ME3: variants seen among roughly 807,000 people sequenced by gnomAD.
ME3 encodes malic enzyme 3.
Under a neutral mutation model 68.9 loss-of-function variants are expected in ME3, and 48 were observed. That is an observed-to-expected ratio of 0.70 (90% CI 0.55 to 0.89). The LOEUF (loss-of-function observed/expected upper bound fraction) is 0.89. ME3 is among the 40% of genes least tolerant of loss of function. The pLI is 0.00. For synonymous variants in ME3, 320 were observed against 318.8 expected (o/e 1.00, Z -0.04); for missense variants, 675 against 797.4 (o/e 0.85, Z 1.85).
chr11:86,556,133 T>C (rs11607733), intron 4 of ME3, among the ~76,000 whole-genome samples: 34,746 of 152,054 alleles, frequency 0.23, 4,745 homozygotes, highest in Non-Finnish European at 0.31. Context: ...GATATGCTGG[T>C]TTTTCAAACA....
chr11:86,451,103 C>G (rs1423731285), intron 8 of ME3, among the ~76,000 whole-genome samples: 2 of 152,110 alleles, frequency 1.3e-5, no homozygotes, highest in Non-Finnish European at 2.9e-5. Context: ...CTTCACAGCC[C>G]CAATAAAAGG....
intron 4 of ME3, among the ~76,000 whole-genome samples, chr11:86,527,658 T>C (rs1281543934): frequency 1.3e-5 from 2 of 152,198 alleles, no homozygotes; most frequent in East Asian, 3.8e-4. Context: ...AGCTGATCTC[T>C]TGGCAGAAAC....
intron 2 of ME3, among the ~76,000 whole-genome samples, chr11:86,639,540 A>G (rs966143481): frequency 6.6e-6 from 1 of 152,216 alleles, no homozygotes; most frequent in Non-Finnish European, 1.5e-5. Context: ...AAGGGTTCAG[A>G]GGATACCCTT....
chr11:86,599,790 CA>C (rs1381041725), intron 2 of ME3, among the ~76,000 whole-genome samples: 1 of 152,044 alleles, frequency 6.6e-6, no homozygotes, highest in Non-Finnish European at 1.5e-5. Flanking sequence ...GAGTGGGGGC[CA>C]ATATTCAACA....
intron 4 of ME3, among the ~76,000 whole-genome samples, chr11:86,538,506 A>G (rs1311386234): frequency 6.6e-6 from 1 of 152,104 alleles, no homozygotes; most frequent in Non-Finnish European, 1.5e-5. Flanking sequence ...ACTTCCCACA[A>G]CCGTCAGTCC....
At chr11:86,531,033 A>T (rs962790231) in intron 4 of ME3, among the ~76,000 whole-genome samples, 2 of 152,326 alleles carry the variant, frequency 1.3e-5, no homozygotes, top group Non-Finnish European at 1.5e-5. Flanking sequence ...CTGCACAGCA[A>T]AAGAAACTAC....
At chr11:86,524,487 A>C (rs1954578875) in intron 4 of ME3, among the ~76,000 whole-genome samples, 1 of 152,214 alleles carries the variant, frequency 6.6e-6, no homozygotes. Flanking sequence ...GTGAAGATAC[A>C]CCAAGATAAT....
At chr11:86,534,081 G>GTGTGTATATATATATATA (rs1361825219) in intron 4 of ME3, among the ~76,000 whole-genome samples, 7 of 127,506 alleles carry the variant, frequency 5.5e-5, no homozygotes, top group African/African-American at 2.2e-4. Context: ...GTGTGTGTGT[G>GTGTGTATATATATATATA]TATATATATA....
chr11:86,656,928 A>C (rs1468612017), intron 2 of ME3, among the ~76,000 whole-genome samples: 1 of 152,072 alleles, frequency 6.6e-6, no homozygotes, highest in African/African-American at 2.4e-5. Context: ...GTATCATCCC[A>C]TGCCAGTTAG....
At chr11:86,581,472 T>C (rs973168212) in intron 2 of ME3, among the ~76,000 whole-genome samples, 8 of 152,152 alleles carry the variant, frequency 5.3e-5, no homozygotes, top group African/African-American at 1.9e-4. Flanking sequence ...AAATAACTCA[T>C]AATGTGTGTA....
chr11:86,497,372 C>T (rs1240895126), intron 6 of ME3, among the ~76,000 whole-genome samples: 1 of 152,190 alleles, frequency 6.6e-6, no homozygotes, highest in African/African-American at 2.4e-5. Flanking sequence ...AGAGACAGAG[C>T]TGCGAGTCAC....
intron 7 of ME3, 142 bp downstream of exon 7, chr11:86,487,195 G>C (rs772585859): frequency 3.6e-5 from 24 of 671,636 alleles, no homozygotes; most frequent in Non-Finnish European, 5.5e-5. Flanking sequence ...TCACTCCTAG[G>C]GGTCAAGTTG....
intron 2 of ME3, 129 bp downstream of exon 2, chr11:86,671,633 G>A: frequency 8.5e-7 from 1 of 1,179,318 alleles, no homozygotes; most frequent in African/African-American, 1.6e-5. Flanking sequence ...ACAAGCCCCT[G>A]CAAGGCAAAA....
At chr11:86,526,309 C>T (rs923705922) in intron 4 of ME3, among the ~76,000 whole-genome samples, 3 of 152,184 alleles carry the variant, frequency 2.0e-5, no homozygotes, top group Admixed American at 6.5e-5. Context: ...AAGGTGGCAG[C>T]GAGGCTGGGG....
chr11:86,522,616 C>T (rs757828295), intron 4 of ME3, among the ~76,000 whole-genome samples: 1 of 151,928 alleles, frequency 6.6e-6, no homozygotes, highest in Non-Finnish European at 1.5e-5. Flanking sequence ...CACATGTGAG[C>T]GAGAACATGT....
At chr11:86,570,196 C>T (rs578233062) in intron 2 of ME3, among the ~76,000 whole-genome samples, 18 of 152,312 alleles carry the variant, frequency 1.2e-4, no homozygotes, top group South Asian at 6.2e-4. Flanking sequence ...TACATCATTA[C>T]GTCATGCTCT....
intron 2 of ME3, among the ~76,000 whole-genome samples, chr11:86,615,861 T>C (rs1229577844): frequency 6.6e-6 from 1 of 152,190 alleles, no homozygotes; most frequent in East Asian, 1.9e-4. Context: ...CAAAATATTC[T>C]TGTAGTGATT....
chr11:86,634,796 G>T (rs1342532355), intron 2 of ME3, among the ~76,000 whole-genome samples: 1 of 152,092 alleles, frequency 6.6e-6, no homozygotes. Flanking sequence ...AGGTTCCTTT[G>T]AACACTATCC....
intron 4 of ME3, among the ~76,000 whole-genome samples, chr11:86,511,507 G>T (rs1207591298): frequency 1.3e-5 from 2 of 152,202 alleles, no homozygotes; most frequent in Non-Finnish European, 2.9e-5. Context: ...CAGGCTGGCT[G>T]TCCTCACTCA....
Sources: allele counts gnomAD v4.1 joint callset (sites outside exome capture counted in the v4.1 genomes callset), GRCh38; gene constraint gnomAD v4.1.1; transcripts MANE v1.5; gene names NCBI Gene and HGNC (gene_info 2026-07-23, HGNC 2026-07-21).